Variants in CNGA3 observed in about 807,000 individuals in gnomAD.
CNGA3 encodes the protein cyclic nucleotide gated channel subunit alpha 3, also known as cyclic nucleotide-gated channel alpha-3.
Under a neutral mutation model 46.6 loss-of-function variants are expected in CNGA3, and 42 were observed. The observed-to-expected ratio is 0.90, with a 90% CI of 0.70 to 1.17. CNGA3 has a LOEUF of 1.17. CNGA3 is among the 50% of genes most tolerant of loss of function. The pLI is 0.00. For missense variants in CNGA3, 893 were observed against 890.7 expected (o/e 1.00, Z -0.03); for synonymous variants, 394 against 369.4 (o/e 1.07, Z -0.76).
chr2:98,360,405 A>C (rs181638333), intron 1 of CNGA3, among the ~76,000 whole-genome samples: 1 of 152,326 alleles, frequency 6.6e-6, no homozygotes, highest in East Asian at 1.9e-4. Context: ...GAGACAATGC[A>C]CTTTATTTGG....
At chr2:98,374,436 T>C (rs1692359642) in intron 2 of CNGA3, among the ~76,000 whole-genome samples, 1 of 152,204 alleles carries the variant, frequency 6.6e-6, no homozygotes, top group Admixed American at 6.5e-5. Context: ...TCCAGGGTTG[T>C]CCTGGCCTGG....
At position 98,396,637 on chromosome 2, in the gene CNGA3, GCTGCTGGTGGAGCTGGTGCT is replaced by G; in HGVS notation, c.1468_1487del (p.Leu490GlufsTer36). The G allele has an allele frequency of 1.2e-6, 2 of 1,614,158 alleles. No homozygotes were observed. The highest frequency in any genetic ancestry group is 1.7e-6 in the Non-Finnish European group (2 of 1,180,026). ...GCATCTTCCAGGACTGTGAGGCAGG[GCTGCTGGTGGAGCTGGTGCT>G]GAAGCTGCGACCCACTGTGTTCAGC... On this transcript the variant is annotated frameshift_variant, in exon 8 of 8. Coordinates refer to ENST00000272602, the MANE Select transcript of CNGA3 (RefSeq NM_001298.3). LOFTEE classifies it high-confidence loss of function.
intron 1 of CNGA3, among the ~76,000 whole-genome samples, chr2:98,364,297 G>A (rs996048160): frequency 1.3e-5 from 2 of 152,170 alleles, no homozygotes; most frequent in Non-Finnish European, 2.9e-5. Flanking sequence ...AGAATCACTT[G>A]AACCCAGGAG....
At chr2:98,372,084 C>G (rs1477129522) in intron 2 of CNGA3, among the ~76,000 whole-genome samples, 1 of 152,226 alleles carries the variant, frequency 6.6e-6, no homozygotes, top group Non-Finnish European at 1.5e-5. Flanking sequence ...CCGGCTCCTT[C>G]CGGTGAGATA....
chr2:98,397,058 G>T lies in CNGA3; in HGVS notation c.1888G>T (p.Val630Leu). Residue 630 changes from valine to leucine, a missense_variant, in exon 8 of 8, where the codon GTG becomes TTG. Val to Leu is a conservative substitution (Grantham distance 32). Around this residue, in one of 3 missense-constraint regions of CNGA3, gnomAD observed 548 missense variants for 570.8 expected, o/e 0.96. Coordinates refer to ENST00000272602, the MANE Select transcript of CNGA3 (RefSeq NM_001298.3). ...GADPKDLEEK[V>L]EQLGSSLDTL... ...GGACCCCAAGGACCTTGAGGAGAAA[G>T]TGGAGCAGCTGGGGTCCTCCCTGGA... The T allele has an allele frequency of 6.2e-7, 1 of 1,614,152 alleles. No individual in the cohort carries two copies. Among genetic ancestry groups the T allele is most frequent in the Non-Finnish European group, 8.5e-7 (1 of 1,180,010 alleles).
intron 2 of CNGA3, among the ~76,000 whole-genome samples, chr2:98,371,324 A>C (rs1051027041): frequency 1.3e-5 from 2 of 152,036 alleles, no homozygotes; most frequent in African/African-American, 2.4e-5. Context: ...CTCGTGCCTC[A>C]TTTCTTCTCA....
intron 1 of CNGA3, among the ~76,000 whole-genome samples, chr2:98,352,451 A>G (rs1248434630): frequency 1.3e-5 from 2 of 152,184 alleles, no homozygotes; most frequent in African/African-American, 2.4e-5. Context: ...ATTTTGAGGA[A>G]CTGCCCAGCT....
intron 1 of CNGA3, among the ~76,000 whole-genome samples, chr2:98,347,436 C>A (rs1411611031): frequency 6.6e-6 from 1 of 152,164 alleles, no homozygotes; most frequent in Non-Finnish European, 1.5e-5. Context: ...CGCAGGCCCT[C>A]GCAGTCCCGC....
Position 98,367,640 on chromosome 2 carries a change from C to T in CNGA3, c.-37-2299C>T, listed in dbSNP as rs115593929. Reference sequence around the variant, plus strand: ...TCTCTAACGTGCTTCCCCCCTAGTTCCCTGTCTCAATGGGCAGGCAACACC... The same window carrying T: ...TCTCTAACGTGCTTCCCCCCTAGTTTCCTGTCTCAATGGGCAGGCAACACC... On this transcript the variant is annotated intron_variant, in intron 1 of 7. Coordinates refer to ENST00000272602, the MANE Select transcript of CNGA3 (RefSeq NM_001298.3). 2.9e-3 allele frequency among the ~76,000 whole-genome samples: 440 copies of T among 152,166 alleles called. 2 individuals are homozygous for T. Among genetic ancestry groups the T allele is most frequent in the Admixed American group, 4.8e-3 (74 of 15,292 alleles).
chr2:98,396,276 C>T lies in CNGA3; in HGVS notation c.1106C>T (p.Thr369Ile), dbSNP rs201372439. The T allele has an allele frequency of 1.6e-5, 26 of 1,611,270 alleles. No homozygotes were observed. Among genetic ancestry groups the T allele is most frequent in the Non-Finnish European group, 2.0e-5 (23 of 1,177,934 alleles). Residue 369 changes from threonine (T) to isoleucine (I), a missense_variant, in exon 8 of 8, where the codon ACC becomes ATC. Around this residue, in one of 3 missense-constraint regions of CNGA3, gnomAD observed 548 missense variants for 570.8 expected, o/e 0.96. Transcript: ENST00000272602. ...TTGACCCTTACCACCATTGGTGAGA[C>T]CCCACCCCCCGTGAAAGATGAGGAG... Reference protein sequence around the residue: ...STLTLTTIGETPPPVKDEEYL... With the variant: ...STLTLTTIGEIPPPVKDEEYL...
At chr2:98,386,004 C>G (rs1692645824) in intron 5 of CNGA3, among the ~76,000 whole-genome samples, 1 of 152,150 alleles carries the variant, frequency 6.6e-6, no homozygotes, top group Non-Finnish European at 1.5e-5. Context: ...AGCTGGTTAC[C>G]TAACTTCTCT....
At chr2:98,384,010 C>T (rs929904942) in intron 5 of CNGA3, among the ~76,000 whole-genome samples, 2 of 152,108 alleles carry the variant, frequency 1.3e-5, no homozygotes, top group African/African-American at 2.4e-5. Flanking sequence ...CTTCAGCTTC[C>T]CGAGTAGCTG....
At chr2:98,380,636 C>G (rs965775317) in intron 4 of CNGA3, among the ~76,000 whole-genome samples, 6 of 152,120 alleles carry the variant, frequency 3.9e-5, no homozygotes, top group African/African-American at 1.4e-4. Flanking sequence ...GTTAGGGTCC[C>G]CTGGAAATCA....
intron 1 of CNGA3, among the ~76,000 whole-genome samples, chr2:98,364,483 C>T (rs944747138): frequency 6.6e-6 from 1 of 152,182 alleles, no homozygotes; most frequent in Admixed American, 6.5e-5. Context: ...TTTCCTCCAT[C>T]GCTTTATGTT....
At chr2:98,377,478 C>G (rs1247089200) in intron 2 of CNGA3, 2 of 576,328 alleles carry the variant, frequency 3.5e-6, no homozygotes, top group Non-Finnish European at 6.3e-6. Context: ...CAGTAGCTAC[C>G]TTCCTTGCTG....
At chr2:98,348,809 T>C (rs1691704903) in intron 1 of CNGA3, among the ~76,000 whole-genome samples, 1 of 152,226 alleles carries the variant, frequency 6.6e-6, no homozygotes. Context: ...CTCTGGGACC[T>C]CACAGTGTAG....
At position 98,396,691 on chromosome 2, in the gene CNGA3, T is replaced by C; in HGVS notation, c.1521T>C (p.Asp507=). The stretch of plus-strand genomic sequence containing the variant: ...GACCCACTGTGTTCAGCCCTGGGGA[T>C]TATATCTGCAAGAAGGGAGATATTG... The part of the protein sequence containing the change: ...KLRPTVFSPG[D]YICKKGDIGK... Residue 507 remains aspartate, a synonymous_variant, in exon 8 of 8, where the codon GAT becomes GAC. Transcript: ENST00000272602. 1 of 1,614,152 alleles carries C rather than the reference T, an allele frequency of 6.2e-7. No individual in the cohort carries two copies. Among genetic ancestry groups the C allele is most frequent in the Non-Finnish European group, 8.5e-7 (1 of 1,180,038 alleles).
chr2:98,378,494 G>C (rs1358051774), intron 3 of CNGA3, among the ~76,000 whole-genome samples: 1 of 152,176 alleles, frequency 6.6e-6, no homozygotes, highest in African/African-American at 2.4e-5. Flanking sequence ...TCCAATGCCA[G>C]AGTCTTACAT....
At position 98,395,729 on chromosome 2, in the gene CNGA3, A is replaced by G. The variant is rs565695277; in HGVS notation, c.674-115A>G. 2.5e-3 allele frequency: 2,032 copies of G among 804,680 alleles called. 44 individuals are homozygous for G. In the South Asian group the frequency reaches 0.029, roughly 11 times the overall value. 49.8% of individuals were successfully genotyped at this position (804,680 alleles called of 1,614,324 possible). ...AAGTGTTGTTTTTGAAATCATTTCT[A>G]TTATATATGTATCACTGCATACTGT... On this transcript the variant is annotated intron_variant, in intron 7 of 7. Transcript: ENST00000272602.
Sources: allele counts gnomAD v4.1 joint callset (sites outside exome capture counted in the v4.1 genomes callset), GRCh38; gene constraint gnomAD v4.1.1; regional missense constraint gnomAD v4.1.1; transcripts MANE v1.5; gene names NCBI Gene and HGNC (gene_info 2026-07-23, HGNC 2026-07-21).